DLG3: variants seen among roughly 807,000 people sequenced by gnomAD.
DLG3 encodes the protein disks large homolog 3.
A neutral mutation model predicts 64.1 loss-of-function variants in DLG3; 1 was observed. The observed-to-expected ratio is 0.02, with a 90% CI of 0.01 to 0.07. The LOEUF is 0.07. Among genes scored for constraint, DLG3 ranks in the 10% least tolerant of loss-of-function variants. The pLI is 1.00. For synonymous variants in DLG3, 245 were observed against 259.8 expected (o/e 0.94, Z 0.55); for missense variants, 429 against 669.5 (o/e 0.64, Z 3.96).
chrX:70,488,475 C>G (rs905406792), intron 10 of DLG3, among the ~76,000 whole-genome samples: 2 of 111,729 alleles, frequency 1.8e-5, no homozygotes, highest in African/African-American at 6.5e-5. Flanking sequence ...AATTTTCTAG[C>G]TTAGTCAAAC....
intron 12 of DLG3, among the ~76,000 whole-genome samples, chrX:70,494,501 G>A (rs1008862746): frequency 1.8e-5 from 2 of 112,054 alleles, no homozygotes; most frequent in Admixed American, 9.4e-5. Context: ...GTGGTACCTG[G>A]TGGACAGAAG....
intron 9 of DLG3, among the ~76,000 whole-genome samples, chrX:70,455,498 A>AGCCATCACCTCTCC (rs2086689840): frequency 9.2e-6 from 1 of 108,371 alleles, no homozygotes; most frequent in African/African-American, 3.4e-5. Flanking sequence ...TTCACCTCTT[A>AGCCATCACCTCTCC]GCCATCACCT....
intron 13 of DLG3, among the ~76,000 whole-genome samples, chrX:70,496,634 T>G (rs1466938070): frequency 8.9e-6 from 1 of 112,467 alleles, no homozygotes; most frequent in Non-Finnish European, 1.9e-5. Flanking sequence ...CAGGCTCTCC[T>G]GCTTTGGAGT....
At chrX:70,493,682 A>G (rs1281387888) in intron 12 of DLG3, among the ~76,000 whole-genome samples, 1 of 113,024 alleles carries the variant, frequency 8.8e-6, no homozygotes, top group Non-Finnish European at 1.9e-5. Context: ...CTCCTCAGTT[A>G]GAATGAATGT....
In DLG3 at chrX:70,502,063, G is replaced by A. The variant is rs1281134186; in HGVS notation, c.2348-100G>A. The A allele has an allele frequency of 7.8e-6, 5 of 639,683 alleles. No homozygotes were observed. In the African/African-American group the frequency reaches 1.1e-4, roughly 14 times the overall value. The allele number at this position is 639,683 out of a possible 1,213,427, so 52.7% of individuals were successfully genotyped here. A position where few individuals can be genotyped will look rare whatever the true frequency, so the allele number is the denominator to read the frequency against. On this transcript the variant is annotated intron_variant, in intron 18 of 18. Coordinates refer to ENST00000374360, the MANE Select transcript of DLG3 (RefSeq NM_021120.4). ...TCCTTCATGTGAGGGGTGAGGGGGT[G>A]GAGGGGGGACTTGTAGGATTGTTGG...
intron 7 of DLG3, chrX:70,452,625 G>T: frequency 8.4e-7 from 1 of 1,186,529 alleles, no homozygotes; most frequent in Non-Finnish European, 1.1e-6. Context: ...AGGAGCTATG[G>T]AGAGGGCCCG....
intron 11 of DLG3, 72 bp from the exon 12 acceptor site, chrX:70,492,449 C>T: frequency 2.6e-6 from 3 of 1,133,454 alleles, no homozygotes; most frequent in Non-Finnish European, 3.6e-6. Flanking sequence ...AAAATGGCTG[C>T]TGTGCCTGCT....
intron 9 of DLG3, among the ~76,000 whole-genome samples, chrX:70,460,386 C>T (rs1460379899): frequency 9.0e-6 from 1 of 110,543 alleles, no homozygotes; most frequent in Non-Finnish European, 1.9e-5. Context: ...TGCTGGGAAG[C>T]CTGAGGGAGA....
In DLG3 at chrX:70,451,978, G is replaced by A. The variant is rs772307487; in HGVS notation, c.1097G>A (p.Arg366His). 2.1e-5 allele frequency: 26 copies of A among 1,210,576 alleles called. No homozygotes were observed. The highest frequency in any genetic ancestry group is 8.7e-5 in the African/African-American group (5 of 57,503). The change falls in exon 7 of 19, where the codon CGC (arginine) becomes CAC (histidine). Residue 366 changes from arginine (R) to histidine (H), a missense_variant. By Grantham distance (29) the Arg-to-His change is conservative (BLOSUM62 0). This residue lies in a region of DLG3 where 54 missense variants were observed against 54.4 expected (regional missense o/e 0.99). Transcript: ENST00000374360. ...YPAPPQVPPT[R>H]YSPIPRHMLA... ...GCTCCTCCTCAGGTTCCCCCCACCC[G>A]CTACTCTCCTATTCCCAGGCACATG...
At chrX:70,501,466 G>GA (rs2087562164) in intron 18 of DLG3, among the ~76,000 whole-genome samples, 1 of 100,823 alleles carries the variant, frequency 9.9e-6, no homozygotes, top group Non-Finnish European at 2.0e-5. Context: ...GAAACATTGG[G>GA]AAGGTTTCTA....
At position 70,500,497 on chromosome X, in the gene DLG3, C is replaced by T. The variant is rs372476478; in HGVS notation, c.2172C>T (p.Ser724=). The change falls in exon 17 of 19, where the codon TCC becomes TCT. Residue 724 remains serine (S), a synonymous_variant. Coordinates refer to ENST00000374360, the MANE Select transcript of DLG3 (RefSeq NM_021120.4). ...GCAAGCACTGCATCTTAGATGTTTC[C>T]GGCAATGCTATCAAGAGACTGCAGC... ...ERGKHCILDV[S]GNAIKRLQQA... is the part of the protein sequence containing the mutation. The T allele has an allele frequency of 7.7e-5, 93 of 1,207,987 alleles. 1 individual carries two copies. The highest frequency in any genetic ancestry group is 3.0e-4 in the South Asian group (17 of 56,676).
At chrX:70,472,255 A>G (rs756358982) in intron 9 of DLG3, among the ~76,000 whole-genome samples, 1 of 111,898 alleles carries the variant, frequency 8.9e-6, no homozygotes, top group East Asian at 2.8e-4. Context: ...ATGGCGCTAA[A>G]CCAAAAAATT....
intron 9 of DLG3, among the ~76,000 whole-genome samples, chrX:70,472,332 C>T (rs981333328): frequency 9.0e-6 from 1 of 111,701 alleles, no homozygotes; most frequent in Non-Finnish European, 1.9e-5. Context: ...GTGGGTGGAT[C>T]ACTTGAGGCC....
rs186173545 is a variant in DLG3 at position 70,471,866 on chromosome X, A to G, written c.1406-7284A>G. ...TCAGGCCTTTATAATTATTGTCTGT[A>G]GTAGTAGAGCAGCTTCCCGGTCTCT... On this transcript the variant is annotated intron_variant, in intron 9 of 18. Transcript: ENST00000374360. 6.6e-4 allele frequency among the ~76,000 whole-genome samples: 73 copies of G among 111,393 alleles called. No homozygotes were observed. In the East Asian group the frequency reaches 0.018, roughly 28 times the overall value.
chrX:70,455,194 C>T (rs2086683066), intron 9 of DLG3: 7 of 754,480 alleles, frequency 9.3e-6, no homozygotes, highest in Non-Finnish European at 1.1e-5. Context: ...TGGTCTCCCG[C>T]GCGGGACGGA....
chrX:70,446,417 C>T (rs1489378122), intron 1 of DLG3, among the ~76,000 whole-genome samples: 3 of 21,157 alleles, frequency 1.4e-4, no homozygotes, highest in Non-Finnish European at 2.5e-4. Flanking sequence ...GTGTGTGTGC[C>T]GGGGTGGGGT....
At chrX:70,467,089 G>T (rs759954684) in intron 9 of DLG3, among the ~76,000 whole-genome samples, 8 of 110,267 alleles carry the variant, frequency 7.3e-5, no homozygotes, top group Non-Finnish European at 1.1e-4. Flanking sequence ...AATTTTTGTG[G>T]TTTTTTTGTA....
intron 1 of DLG3, among the ~76,000 whole-genome samples, chrX:70,447,851 G>A (rs1441542716): frequency 1.8e-5 from 2 of 112,138 alleles, no homozygotes; most frequent in Non-Finnish European, 3.8e-5. Context: ...ATCTCTGTGG[G>A]TTGGCCAAAT....
In DLG3 at chrX:70,445,076, C is replaced by A. The variant is rs972372327; in HGVS notation, c.-126C>A. The A allele has an allele frequency of 1.2e-5, 6 of 503,762 alleles. No individual in the cohort carries two copies. Among genetic ancestry groups the A allele is most frequent in the Non-Finnish European group, 1.5e-5 (5 of 343,926 alleles). The allele number at this position is 503,762 out of a possible 1,213,427, so 41.5% of individuals were successfully genotyped here. A position where few individuals can be genotyped will look rare whatever the true frequency, so the allele number is the denominator to read the frequency against. On this transcript the variant is annotated 5_prime_UTR_variant, in exon 1 of 19. Coordinates refer to ENST00000374360, the MANE Select transcript of DLG3 (RefSeq NM_021120.4). ...CCGGGCGCCCCCACGGGTGCCCCCCCCTTCTTGGTCCGAGCAGTGTGAGTG... is the reference window on the plus strand; with the variant it reads ...CCGGGCGCCCCCACGGGTGCCCCCCACTTCTTGGTCCGAGCAGTGTGAGTG...
Sources: allele counts gnomAD v4.1 joint callset (sites outside exome capture counted in the v4.1 genomes callset), GRCh38; gene constraint gnomAD v4.1.1; regional missense constraint gnomAD v4.1.1; transcripts MANE v1.5; gene names NCBI Gene and HGNC (gene_info 2026-07-23, HGNC 2026-07-21).